The following UNC13C variants were observed in gnomAD, a reference collection of about 807,000 sequenced individuals.
UNC13C encodes the protein unc-13 homolog C, also known as protein unc-13 homolog C.
Under a neutral mutation model 245.4 loss-of-function variants are expected in UNC13C, and 174 were observed. The ratio of observed to expected loss-of-function variants is 0.71; its 90% CI spans 0.63 to 0.80. UNC13C has a LOEUF of 0.80. UNC13C is among the 30% of genes least tolerant of loss of function. The pLI is 0.00. For missense variants in UNC13C, 2,829 were observed against 2,602.9 expected, an observed-to-expected ratio of 1.09 and a Z score of -1.89; for synonymous variants, 992 against 895.1, an observed-to-expected ratio of 1.11 and a Z score of -1.93.
chr15:54,462,751 C>T (rs1030276900), intron 19 of UNC13C, among the ~76,000 whole-genome samples: 3 of 152,230 alleles, frequency 2.0e-5, no homozygotes, highest in Admixed American at 6.5e-5. Context: ...TGGGCTCCCG[C>T]GCAGCCCGAG....
chr15:54,051,638 T>A (rs1897269570), intron 2 of UNC13C, among the ~76,000 whole-genome samples: 1 of 151,058 alleles, frequency 6.6e-6, no homozygotes, highest in South Asian at 2.1e-4. Context: ...TATACAGACT[T>A]TATTTATTTA....
intron 17 of UNC13C, among the ~76,000 whole-genome samples, chr15:54,369,950 C>A (rs899493581): frequency 1.1e-4 from 17 of 152,002 alleles, no homozygotes; most frequent in African/African-American, 4.1e-4. Context: ...TGACTACATA[C>A]TCTCCTTGTG....
At chr15:54,460,311 G>T (rs1027140107) in intron 19 of UNC13C, among the ~76,000 whole-genome samples, 1 of 152,212 alleles carries the variant, frequency 6.6e-6, no homozygotes, top group Non-Finnish European at 1.5e-5. Context: ...GAGTTAAGTG[G>T]ACTCTGTGGG....
At chr15:53,860,571 C>T in the UNC13C span, among the ~76,000 whole-genome samples, 4 of 152,138 alleles carry the variant, frequency 2.6e-5, no homozygotes, top group Admixed American at 6.5e-5. Context: ...ATCTGAATCT[C>T]TCTTAGAATG....
intron 2 of UNC13C, among the ~76,000 whole-genome samples, chr15:54,088,294 T>A (rs978164048): frequency 4.1e-5 from 6 of 148,088 alleles, no homozygotes; most frequent in Non-Finnish European, 7.4e-5. Context: ...TCAGGCCCCA[T>A]GGATCACTCC....
At chr15:54,609,496 A>AC (rs1259237985) in intron 30 of UNC13C, 1 of 152,110 alleles carries the variant, frequency 6.6e-6, no homozygotes, top group Admixed American at 6.5e-5. Context: ...AATGAACTGA[A>AC]CTTGTCATCT....
intron 1 of UNC13C, among the ~76,000 whole-genome samples, chr15:53,994,401 T>C (rs1894525924): frequency 6.6e-6 from 1 of 152,094 alleles, no homozygotes; most frequent in Non-Finnish European, 1.5e-5. Flanking sequence ...TTTAGTGTGA[T>C]GCTAATTTAA....
intron 29 of UNC13C, among the ~76,000 whole-genome samples, chr15:54,560,659 A>C (rs939293029): frequency 6.6e-6 from 1 of 151,940 alleles, no homozygotes; most frequent in Non-Finnish European, 1.5e-5. Context: ...GCCTTTACAA[A>C]TGTCATAAGG....
chr15:54,491,637 G>A (rs1222888237), intron 19 of UNC13C, among the ~76,000 whole-genome samples: 1 of 151,896 alleles, frequency 6.6e-6, no homozygotes, highest in Non-Finnish European at 1.5e-5. Flanking sequence ...GCTTAATGTG[G>A]TGCCAAACAA....
At chr15:53,954,886 T>A in the UNC13C span, among the ~76,000 whole-genome samples, 2 of 152,188 alleles carry the variant, frequency 1.3e-5, no homozygotes, top group African/African-American at 2.4e-5. Context: ...ACACAGAGTA[T>A]CAGTGTACTA....
At chr15:54,388,313 C>T (rs1284609918) in intron 17 of UNC13C, among the ~76,000 whole-genome samples, 1 of 152,066 alleles carries the variant, frequency 6.6e-6, no homozygotes, top group African/African-American at 2.4e-5. Flanking sequence ...GAAGCACATC[C>T]AACATTCTGG....
chr15:54,408,018 G>A (rs1412381505), intron 18 of UNC13C, among the ~76,000 whole-genome samples: 4 of 151,612 alleles, frequency 2.6e-5, no homozygotes, highest in South Asian at 2.1e-4. Context: ...TGGTGAACAC[G>A]GTGAAACTCC....
rs188731504 is a variant in UNC13C at position 54,128,557 on chromosome 15, G to T, written c.2984-14461G>T. 1.7e-4 allele frequency among the ~76,000 whole-genome samples: 26 copies of T among 152,192 alleles called. No homozygotes were observed. The East Asian group carries it at 4.8e-3, about 28-fold the overall frequency. On this transcript the variant is annotated intron_variant, in intron 2 of 32. Transcript: ENST00000260323. ...GGTCTTGCTATGACAAGTAAGTTTT[G>T]CTGGAAACCTGAACAGTTAGGGTGT...
intron 4 of UNC13C, among the ~76,000 whole-genome samples, chr15:54,157,387 A>G (rs1457909571): frequency 6.6e-6 from 1 of 152,264 alleles, no homozygotes; most frequent in Non-Finnish European, 1.5e-5. Context: ...TAATCACATT[A>G]TAATCGCAAG....
intron 19 of UNC13C, among the ~76,000 whole-genome samples, chr15:54,436,229 A>G (rs1471633334): frequency 6.6e-6 from 1 of 152,012 alleles, no homozygotes; most frequent in African/African-American, 2.4e-5. Flanking sequence ...TGACTAAAAT[A>G]TTATGAGCAT....
At chr15:54,198,321 C>T (rs1313975467) in intron 4 of UNC13C, among the ~76,000 whole-genome samples, 1 of 152,116 alleles carries the variant, frequency 6.6e-6, no homozygotes, top group Non-Finnish European at 1.5e-5. Context: ...CCAGATGCCC[C>T]TAGGGGAAGT....
chr15:54,186,090 A>T (rs1176220577), intron 4 of UNC13C, among the ~76,000 whole-genome samples: 1 of 151,636 alleles, frequency 6.6e-6, no homozygotes, highest in South Asian at 2.1e-4. Flanking sequence ...TTGGTGTATA[A>T]GAATGCTTGT....
At chr15:54,012,599 A>G (rs2140989961) in intron 1 of UNC13C, among the ~76,000 whole-genome samples, 49 bp from the exon 2 acceptor site, 1 of 152,372 alleles carries the variant, frequency 6.6e-6, no homozygotes, top group Admixed American at 6.5e-5. Flanking sequence ...AAATGGAAGA[A>G]ATCTAGAATT....
chr15:54,363,830 G>C (rs2039293634), intron 17 of UNC13C, among the ~76,000 whole-genome samples: 1 of 152,116 alleles, frequency 6.6e-6, no homozygotes, highest in Non-Finnish European at 1.5e-5. Context: ...AATACATACA[G>C]AAAAATTAAA....
Sources: allele counts gnomAD v4.1 joint callset (sites outside exome capture counted in the v4.1 genomes callset), GRCh38; gene constraint gnomAD v4.1.1; transcripts MANE v1.5; gene names NCBI Gene and HGNC (gene_info 2026-07-23, HGNC 2026-07-21).